Variants in DISC1 observed in about 807,000 individuals in gnomAD.
DISC1 encodes the protein disrupted in schizophrenia 1 protein.
A neutral mutation model predicts 84.5 loss-of-function variants in DISC1; 57 were observed. The observed-to-expected ratio is 0.67, with a 90% confidence interval of 0.55 to 0.84. DISC1 has a LOEUF of 0.84. Among genes scored for constraint, DISC1 ranks in the 40% least tolerant of loss-of-function variants. The pLI is 0.00. For missense variants in DISC1, 1,000 were observed against 1,057.8 expected (o/e 0.95, Z 0.76); for synonymous variants, 411 against 415.2 (o/e 0.99, Z 0.12).
intron 9 of DISC1, chr1:231,944,793 C>G (rs935949244): frequency 1.3e-5 from 2 of 152,170 alleles, no homozygotes; most frequent in African/African-American, 4.8e-5. Flanking sequence ...AGTTACAATC[C>G]TAATCTCTGA....
chr1:231,835,244 C>T (rs934690340), intron 9 of DISC1, among the ~76,000 whole-genome samples: 3 of 152,182 alleles, frequency 2.0e-5, no homozygotes, highest in Admixed American at 6.5e-5. Flanking sequence ...ATTTCACTCG[C>T]GTCCGTGTGA....
intron 1 of DISC1, among the ~76,000 whole-genome samples, chr1:231,632,590 T>C (rs148294180): frequency 1.3e-3 from 202 of 152,322 alleles, no homozygotes; most frequent in Middle Eastern, 0.01. Context: ...CCTTCTTCTT[T>C]TACAGGTGAG....
intron 10 of DISC1, among the ~76,000 whole-genome samples, chr1:232,000,133 C>T (rs572350518): frequency 3.9e-5 from 6 of 152,078 alleles, no homozygotes; most frequent in East Asian, 1.9e-4. Context: ...CCGATACCAG[C>T]GGGGAGATGA....
chr1:231,799,518 G>T (rs1035122047), intron 7 of DISC1, among the ~76,000 whole-genome samples: 1 of 151,934 alleles, frequency 6.6e-6, no homozygotes, highest in Admixed American at 6.6e-5. Flanking sequence ...AACATCAAGC[G>T]GAGGGAGGGC....
chr1:231,782,371 C>T (rs1225155243), intron 6 of DISC1, among the ~76,000 whole-genome samples: 3 of 152,116 alleles, frequency 2.0e-5, no homozygotes, highest in African/African-American at 7.2e-5. Flanking sequence ...CGACAATATT[C>T]CCCAGTTTTA....
intron 8 of DISC1, among the ~76,000 whole-genome samples, chr1:231,815,749 A>AAG (rs2080892531): frequency 1.3e-5 from 2 of 151,566 alleles, no homozygotes; most frequent in African/African-American, 2.4e-5. Flanking sequence ...AAAAAAAAAA[A>AAG]AAAGAAAGAA....
intron 6 of DISC1, among the ~76,000 whole-genome samples, chr1:231,794,796 A>C (rs183433981): frequency 6.6e-6 from 1 of 152,334 alleles, no homozygotes; most frequent in Non-Finnish European, 1.5e-5. Flanking sequence ...TTTATGCTCT[A>C]TGTCAATGCC....
intron 3 of DISC1, among the ~76,000 whole-genome samples, chr1:231,746,969 C>T (rs923296800): frequency 6.6e-6 from 1 of 152,018 alleles, no homozygotes; most frequent in African/African-American, 2.4e-5. Flanking sequence ...CACTCTATTC[C>T]CCAGACTAGA....
At chr1:231,821,164 C>T (rs1006252248) in intron 9 of DISC1, among the ~76,000 whole-genome samples, 8 of 152,296 alleles carry the variant, frequency 5.3e-5, no homozygotes, top group East Asian at 3.9e-4. Context: ...TGTTCATTTA[C>T]TGGGGCCAGA....
At chr1:231,717,223 C>T (rs1445355015) in intron 3 of DISC1, among the ~76,000 whole-genome samples, 1 of 152,104 alleles carries the variant, frequency 6.6e-6, no homozygotes, top group East Asian at 1.9e-4. Context: ...GAATAAGTTT[C>T]CTGCAAGTCT....
At chr1:231,879,912 C>T (rs534572259) in intron 9 of DISC1, among the ~76,000 whole-genome samples, 8 of 152,246 alleles carry the variant, frequency 5.3e-5, no homozygotes, top group Admixed American at 1.3e-4. Context: ...GGTCTGGACT[C>T]AGAGTGAAGT....
chr1:231,650,707 C>T (rs567332144), intron 1 of DISC1, among the ~76,000 whole-genome samples: 3 of 152,292 alleles, frequency 2.0e-5, no homozygotes, highest in South Asian at 2.1e-4. Flanking sequence ...ACCAGTCAAA[C>T]GTAGATTTGG....
chr1:231,856,001 G>A (rs748801621), intron 9 of DISC1, among the ~76,000 whole-genome samples: 44 of 152,196 alleles, frequency 2.9e-4, no homozygotes, highest in Non-Finnish European at 5.3e-4. Context: ...ACTATCTGGC[G>A]ATGACACTTC....
At chr1:231,980,784 G>C (rs534962419) in intron 10 of DISC1, among the ~76,000 whole-genome samples, 2 of 152,300 alleles carry the variant, frequency 1.3e-5, no homozygotes, top group South Asian at 4.1e-4. Flanking sequence ...TTAGCTAAAA[G>C]ATATCTTGTT....
At chr1:231,723,950 A>G in intron 3 of DISC1, 1 of 985,470 alleles carries the variant, frequency 1.0e-6, no homozygotes, top group Non-Finnish European at 1.2e-6. Context: ...ACAGTTTGTG[A>G]TGGTGACTCC....
At chr1:231,820,783 G>A (rs1015231220) in intron 9 of DISC1, among the ~76,000 whole-genome samples, 10 of 152,296 alleles carry the variant, frequency 6.6e-5, no homozygotes, top group Admixed American at 5.2e-4. Flanking sequence ...CCACATCCCT[G>A]TGACCTTAAC....
intron 9 of DISC1, among the ~76,000 whole-genome samples, chr1:231,876,405 C>A (rs887136501): frequency 2.6e-5 from 4 of 152,168 alleles, no homozygotes; most frequent in African/African-American, 9.7e-5. Context: ...GTAAAGCCTG[C>A]AGAACAATAA....
intron 5 of DISC1, among the ~76,000 whole-genome samples, 200 bp from the exon 6 acceptor site, chr1:231,770,635 C>T (rs1361395817): frequency 6.6e-6 from 1 of 152,180 alleles, no homozygotes; most frequent in East Asian, 1.9e-4. Context: ...AATGTTTTTC[C>T]TTATGCCAAC....
chr1:231,987,407 G>A (rs1400649990), intron 10 of DISC1, among the ~76,000 whole-genome samples: 5 of 152,210 alleles, frequency 3.3e-5, no homozygotes, highest in South Asian at 2.1e-4. Flanking sequence ...AGTGTTTGCC[G>A]ATGGAACTTG....
Sources: allele counts gnomAD v4.1 joint callset (sites outside exome capture counted in the v4.1 genomes callset), GRCh38; gene constraint gnomAD v4.1.1; transcripts MANE v1.5; gene names NCBI Gene and HGNC (gene_info 2026-07-23, HGNC 2026-07-21).